The following TBC1D1 variants were observed in gnomAD, a reference collection of about 807,000 sequenced individuals.
TBC1D1 encodes TBC1 domain family member 1, also known as TBC1 (tre-2/USP6, BUB2, cdc16) domain family, member 1.
In TBC1D1, 89 loss-of-function variants were observed where a neutral mutation model predicts 125.6. That is an observed-to-expected ratio of 0.71 (90% CI 0.60 to 0.85). TBC1D1 has a LOEUF of 0.85. Ranked by LOEUF, TBC1D1 falls within the 40% of genes least tolerant of loss-of-function variation. The pLI, the probability that TBC1D1 is intolerant of heterozygous loss-of-function variation, is 0.00. For missense variants in TBC1D1, 1,377 were observed against 1,469.2 expected, an observed-to-expected ratio of 0.94 and a Z score of 1.03; for synonymous variants, 565 against 564.1, an observed-to-expected ratio of 1.00 and a Z score of -0.02.
At chr4:37,907,399 TG>T (rs1717568608) in intron 2 of TBC1D1, among the ~76,000 whole-genome samples, 1 of 152,222 alleles carries the variant, frequency 6.6e-6, no homozygotes, top group Non-Finnish European at 1.5e-5. Flanking sequence ...TTTTTTTCTT[TG>T]AGACGGAGTT....
At chr4:38,091,761 A>G (rs1300202985) in intron 13 of TBC1D1, among the ~76,000 whole-genome samples, 1 of 152,266 alleles carries the variant, frequency 6.6e-6, no homozygotes, top group African/African-American at 2.4e-5. Context: ...AGCAATGACC[A>G]GACAGACTAG....
At chr4:37,917,100 G>A (rs1454306390) in intron 2 of TBC1D1, among the ~76,000 whole-genome samples, 4 of 151,966 alleles carry the variant, frequency 2.6e-5, no homozygotes. Flanking sequence ...TTGCCACAGA[G>A]TGTCTGAGTA....
chr4:37,956,943 G>GAA (rs33943418), intron 2 of TBC1D1, among the ~76,000 whole-genome samples: 2 of 140,172 alleles, frequency 1.4e-5, no homozygotes, highest in Non-Finnish European at 3.2e-5. Flanking sequence ...CGTCTCAAAA[G>GAA]AAAAAAAAAA....
rs764527604 is a variant in TBC1D1 at position 38,137,256 on chromosome 4, TGGA to T, written c.3433_3435del (p.Glu1145del). ...GAGCGGTCGGCCCTGCTGCAGACGG[TGGA>T]GGAGCTGCGGCGGCGGAGCGCAGAG... is the stretch of plus-strand genomic sequence containing the variant. On this transcript the variant is annotated inframe_deletion, in exon 20 of 20. Transcript: ENST00000261439. The T allele has an allele frequency of 2.9e-5, 47 of 1,611,898 alleles. No individual in the cohort carries two copies. In the South Asian group the frequency reaches 4.7e-4, roughly 16 times the overall value.
chr4:38,125,208 A>G (rs1764450792), intron 18 of TBC1D1, 77 bp downstream of exon 20: 1 of 1,408,702 alleles, frequency 7.1e-7, no homozygotes, highest in South Asian at 1.3e-5. Flanking sequence ...TTGAGCAGGA[A>G]CTGTTTCCTA....
At chr4:38,132,721 G>A (rs758343567) in intron 18 of TBC1D1, 2 of 170,074 alleles carry the variant, frequency 1.2e-5, no homozygotes, top group African/African-American at 4.9e-5. Flanking sequence ...CATAGTTGAT[G>A]TATCTAACCT....
At chr4:38,117,960 T>G in intron 16 of TBC1D1, 73 bp from the exon 19 acceptor site, 1 of 1,392,952 alleles carries the variant, frequency 7.2e-7, no homozygotes, top group South Asian at 1.2e-5. Context: ...ACACCCACCC[T>G]GTGAGCAGTA....
intron 12 of TBC1D1, among the ~76,000 whole-genome samples, chr4:38,075,544 T>C (rs976779126): frequency 6.6e-6 from 1 of 152,220 alleles, no homozygotes; most frequent in Non-Finnish European, 1.5e-5. Context: ...AAACTTTTTG[T>C]TTCATCTTGA....
Position 38,107,577 on chromosome 4 carries a change from GTTTTTTTTTTTTTT to G in TBC1D1, c.2557+4431_2557+4444del, listed in dbSNP as rs3038351. Among the ~76,000 whole-genome samples the G allele has an allele frequency of 1.1e-3, 60 of 53,100 alleles. 1 individual carries two copies. In the Middle Eastern group the frequency reaches 0.17, roughly 148 times the overall value. 34.8% of individuals were successfully genotyped at this position (53,100 alleles called of 152,430 possible). A position where few individuals can be genotyped will look rare whatever the true frequency, so the allele number is the denominator to read the frequency against. ...TGAAATTGGCTTTTAGTCTAAACAG[GTTTTTTTTTTTTTT>G]TTTTTTTTTTGGCAATGTGTTTTCC... On this transcript the variant is annotated intron_variant, in intron 15 of 19. Coordinates refer to ENST00000261439, the MANE Select transcript of TBC1D1 (RefSeq NM_015173.4).
chr4:38,009,989 TA>T (rs1741135248), intron 2 of TBC1D1, among the ~76,000 whole-genome samples: 1 of 152,130 alleles, frequency 6.6e-6, no homozygotes, highest in Non-Finnish European at 1.5e-5. Flanking sequence ...CCAACAAAAC[TA>T]AAAAAAGATT....
intron 17 of TBC1D1, 113 bp downstream of exon 19, chr4:38,118,305 A>G: frequency 7.7e-7 from 1 of 1,298,590 alleles, no homozygotes; most frequent in Admixed American, 2.2e-5. Flanking sequence ...TTACCAGAAC[A>G]GGGTATTGTT....
At chr4:38,046,057 A>C (rs900936700) in intron 10 of TBC1D1, among the ~76,000 whole-genome samples, 154 bp downstream of exon 10, 1 of 152,150 alleles carries the variant, frequency 6.6e-6, no homozygotes, top group Non-Finnish European at 1.5e-5. Flanking sequence ...TCATAACATA[A>C]AAGTTTTACA....
intron 2 of TBC1D1, among the ~76,000 whole-genome samples, chr4:37,963,344 G>A (rs531064424): frequency 6.6e-6 from 1 of 151,916 alleles, no homozygotes; most frequent in African/African-American, 2.4e-5. Flanking sequence ...GAAGGCCAAG[G>A]AGGGAGCAGG....
chr4:38,016,807 T>C (rs1426269393), intron 3 of TBC1D1, among the ~76,000 whole-genome samples: 1 of 152,182 alleles, frequency 6.6e-6, no homozygotes, highest in Admixed American at 6.5e-5. Flanking sequence ...ACTTTATGGG[T>C]CTTGGTCAGG....
chr4:38,031,690 TGATCA>T (rs1345956815), intron 7 of TBC1D1, among the ~76,000 whole-genome samples: 1 of 152,168 alleles, frequency 6.6e-6, no homozygotes, highest in African/African-American at 2.4e-5. Flanking sequence ...TTCTAGGGTG[TGATCA>T]GAGCACATTT....
chr4:38,105,950 T>C (rs1027748205), intron 15 of TBC1D1, among the ~76,000 whole-genome samples: 9 of 152,234 alleles, frequency 5.9e-5, no homozygotes, highest in East Asian at 1.9e-4. Flanking sequence ...TTTGAGTATA[T>C]ACTCAGTAAT....
At chr4:37,916,412 G>C (rs1186505919) in intron 2 of TBC1D1, among the ~76,000 whole-genome samples, 1 of 151,898 alleles carries the variant, frequency 6.6e-6, no homozygotes, top group Non-Finnish European at 1.5e-5. Context: ...GAGGTGCATC[G>C]TTTTTAGCAA....
chr4:38,077,472 G>A (rs778884663), intron 12 of TBC1D1, among the ~76,000 whole-genome samples: 3 of 152,036 alleles, frequency 2.0e-5, no homozygotes, highest in Non-Finnish European at 2.9e-5. Flanking sequence ...ATAATTTTGG[G>A]GTTGAAACTC....
intron 12 of TBC1D1, among the ~76,000 whole-genome samples, chr4:38,068,376 T>C (rs1409778647): frequency 6.6e-6 from 1 of 152,106 alleles, no homozygotes; most frequent in Non-Finnish European, 1.5e-5. Flanking sequence ...ATCATTTCCT[T>C]TTGCCCAGGA....
Sources: allele counts gnomAD v4.1 joint callset (sites outside exome capture counted in the v4.1 genomes callset), GRCh38; gene constraint gnomAD v4.1.1; transcripts MANE v1.5; gene names NCBI Gene and HGNC (gene_info 2026-07-23, HGNC 2026-07-21).